Variants in BCAS3 observed in about 807,000 individuals in gnomAD.
The protein encoded by BCAS3 is BCAS4/BCAS3 fusion.
Under a neutral mutation model 116.1 loss-of-function variants are expected in BCAS3, and 53 were observed. That is an observed-to-expected ratio of 0.46 (90% CI 0.37 to 0.57). The LOEUF (loss-of-function observed/expected upper bound fraction) is 0.57. BCAS3 is among the 20% of genes least tolerant of loss of function. The pLI, the probability that BCAS3 is intolerant of heterozygous loss-of-function variation, is 0.00. For synonymous variants in BCAS3, 391 were observed against 408.2 expected (o/e 0.96, Z 0.51); for missense variants, 917 against 1,165.4 (o/e 0.79, Z 3.10).
At chr17:60,809,718 A>G (rs1451043042) in intron 7 of BCAS3, among the ~76,000 whole-genome samples, 8 of 152,240 alleles carry the variant, frequency 5.3e-5, no homozygotes, top group Non-Finnish European at 1.2e-4. Flanking sequence ...CTGAGGCTTC[A>G]TGCATATGCA....
chr17:61,304,839 C>T (rs540607359), intron 22 of BCAS3, among the ~76,000 whole-genome samples: 3 of 152,128 alleles, frequency 2.0e-5, no homozygotes, highest in Non-Finnish European at 4.4e-5. Context: ...TTGCAACCTC[C>T]ACCTCCCAGG....
chr17:61,135,798 T>G (rs1228773796), intron 22 of BCAS3: 1 of 152,270 alleles, frequency 6.6e-6, no homozygotes, highest in Non-Finnish European at 1.5e-5. Context: ...GTATTATCTA[T>G]GGCTGCTCTC....
intron 6 of BCAS3, among the ~76,000 whole-genome samples, chr17:60,800,573 G>A (rs149393512): frequency 6.6e-6 from 1 of 152,136 alleles, no homozygotes; most frequent in South Asian, 2.1e-4. Context: ...GTCTTTGATA[G>A]AGCAAAATTT....
At position 61,309,743 on chromosome 17, in the gene BCAS3, AAGT is replaced by A. The variant is rs1326453540; in HGVS notation, c.2426-58580_2426-58578del. Among the ~76,000 whole-genome samples, 1 of 152,124 alleles carries A rather than the reference AAGT, an allele frequency of 6.6e-6. No individual in the cohort carries two copies. The highest frequency in any genetic ancestry group is 2.4e-5 in the African/African-American group (1 of 41,426). The stretch of plus-strand genomic sequence containing the variant: ...GGATTGCGGAACAGCTGCTGTGGAA[AAGT>A]AGTGGCCTGTTTATGGGTTGAGGAG... On this transcript the variant is annotated intron_variant, in intron 22 of 23. Transcript: ENST00000407086. This position sits in a 1 kb window ranked among gnomAD's most constrained non-coding sequence, Gnocchi z 4.6.
intron 7 of BCAS3, among the ~76,000 whole-genome samples, chr17:60,812,479 A>G (rs2048925030): frequency 6.6e-6 from 1 of 152,176 alleles, no homozygotes; most frequent in South Asian, 2.1e-4. Flanking sequence ...TTGGAAAATT[A>G]AGGTGGTCCT....
At position 61,161,744 on chromosome 17, in the gene BCAS3, A is replaced by G. The variant is rs937148695; in HGVS notation, c.2425+77180A>G. ...CTCAGCACACATACCAGCCCCCGCAATTCCAGTTTCATGGTGCCTGAGTTG... is the reference window on the plus strand; with the variant it reads ...CTCAGCACACATACCAGCCCCCGCAGTTCCAGTTTCATGGTGCCTGAGTTG... On this transcript the variant is annotated intron_variant, in intron 22 of 23. Coordinates refer to ENST00000407086, the MANE Select transcript of BCAS3 (RefSeq NM_017679.5). The surrounding 1 kb of genome is among the most constrained non-coding windows in gnomAD (Gnocchi z 4.8). 1.3e-5 allele frequency among the ~76,000 whole-genome samples: 2 copies of G among 152,088 alleles called. No individual in the cohort carries two copies. Among genetic ancestry groups the G allele is most frequent in the Non-Finnish European group, 2.9e-5 (2 of 68,010 alleles).
At chr17:60,984,655 T>C (rs1025842837) in intron 14 of BCAS3, among the ~76,000 whole-genome samples, 1 of 152,112 alleles carries the variant, frequency 6.6e-6, no homozygotes, top group East Asian at 1.9e-4. Flanking sequence ...CTTTTAATTA[T>C]TTAAAAAAAT....
At chr17:61,045,856 T>TAA (rs1568210275) in intron 19 of BCAS3, among the ~76,000 whole-genome samples, 3 of 1,034 alleles carry the variant, frequency 2.9e-3, no homozygotes, top group African/African-American at 3.8e-3. Context: ...TCTCTATATA[T>TAA]ATATATATAA....
At chr17:60,954,942 C>T (rs1227370737) in intron 14 of BCAS3, among the ~76,000 whole-genome samples, 2 of 152,026 alleles carry the variant, frequency 1.3e-5, no homozygotes, top group African/African-American at 4.8e-5. Flanking sequence ...TTCATTCATG[C>T]AATATTCATG....
chr17:60,896,807 ATTTAT>A lies in BCAS3; in HGVS notation c.739-5805_739-5801del, dbSNP rs142054631. Among the ~76,000 whole-genome samples the A allele has an allele frequency of 4.3e-4, 65 of 152,030 alleles. No individual in the cohort carries two copies. The East Asian group carries it at 0.012, about 28-fold the overall frequency. On this transcript the variant is annotated intron_variant, in intron 10 of 23. Transcript: ENST00000407086. ...TTATTCTGTCTCTTTTAAGTGGATTATTTATTTTATTTACATTCAAAGTCATTATT... is the reference window on the plus strand; with the variant it reads ...TTATTCTGTCTCTTTTAAGTGGATTATTTATTTACATTCAAAGTCATTATT...
chr17:61,137,947 G>A (rs1416248263), intron 22 of BCAS3, among the ~76,000 whole-genome samples: 3 of 152,080 alleles, frequency 2.0e-5, no homozygotes, highest in African/African-American at 7.2e-5. Context: ...GATATGGTAG[G>A]ACATGCACAA....
rs931426699 is a variant in BCAS3, at chr17:61,256,593, C to T, written c.2426-111734C>T. Among the ~76,000 whole-genome samples the T allele has an allele frequency of 1.7e-4, 26 of 152,162 alleles. 1 individual carries two copies. The highest frequency in any genetic ancestry group is 7.9e-4 in the Admixed American group (12 of 15,284). On this transcript the variant is annotated intron_variant, in intron 22 of 23. Coordinates refer to ENST00000407086, the MANE Select transcript of BCAS3 (RefSeq NM_017679.5). The surrounding 1 kb of genome is among the most constrained non-coding windows in gnomAD (Gnocchi z 5.6). The stretch of plus-strand genomic sequence containing the variant: ...TGCTGGGATTACAGGCGTGAGCCAC[C>T]GCGCCTGGCCGTTTGGTTTTGTTTA...
chr17:60,679,739 C>T (rs2032699255), intron 2 of BCAS3, among the ~76,000 whole-genome samples, 199 bp downstream of exon 2: 1 of 152,140 alleles, frequency 6.6e-6, no homozygotes, highest in Non-Finnish European at 1.5e-5. Context: ...TTACAGAGTA[C>T]GTGAAGAGCA....
At chr17:61,044,776 CTTT>C (rs869234681) in intron 19 of BCAS3, among the ~76,000 whole-genome samples, 4 of 141,672 alleles carry the variant, frequency 2.8e-5, no homozygotes, top group Non-Finnish European at 3.1e-5. Flanking sequence ...TGCTAAAGTC[CTTT>C]TTTTTTTTTT....
intron 10 of BCAS3, among the ~76,000 whole-genome samples, chr17:60,900,347 G>A (rs2057803690): frequency 6.6e-6 from 1 of 152,074 alleles, no homozygotes; most frequent in African/African-American, 2.4e-5. Context: ...TTCAGGGCCT[G>A]GGAGGGTAGA....
At position 60,747,256 on chromosome 17, in the gene BCAS3, G is replaced by A. The variant is rs34431714; in HGVS notation, c.380G>A (p.Arg127Lys). The change falls in exon 6 of 24, where the codon AGA becomes AAA. Residue 127 changes from arginine to lysine, a missense_variant. By Grantham distance (26) the Arg-to-Lys change is conservative. Coordinates refer to ENST00000407086, the MANE Select transcript of BCAS3 (RefSeq NM_017679.5). ...SVRHGPIRAA[R>K]ILPAPQFGAQ... ...CGACATGGCCCAATTCGAGCGGCTAGAATCTTGCCTGCTCCACAGTTTGGT... is the reference window on the plus strand; with the variant it reads ...CGACATGGCCCAATTCGAGCGGCTAAAATCTTGCCTGCTCCACAGTTTGGT... The A allele has an allele frequency of 0.022, 35,193 of 1,612,808 alleles. 482 individuals carry two copies. The highest frequency in any genetic ancestry group is 0.024 in the Non-Finnish European group (28,441 of 1,178,916).
Position 61,237,330 on chromosome 17 carries a change from A to G in BCAS3, c.2426-130997A>G, listed in dbSNP as rs562206462. On this transcript the variant is annotated intron_variant, in intron 22 of 23. Coordinates refer to ENST00000407086, the MANE Select transcript of BCAS3 (RefSeq NM_017679.5). Reference sequence around the variant, plus strand: ...AATGCCCCAATCAGTGCTCTGTAAAATGCACCAATCAGGATCCTAAAAGTA... The same window carrying G: ...AATGCCCCAATCAGTGCTCTGTAAAGTGCACCAATCAGGATCCTAAAAGTA... Among the ~76,000 whole-genome samples, 7 of 152,358 alleles carry G rather than the reference A, an allele frequency of 4.6e-5. No individual in the cohort carries two copies. The East Asian group carries it at 1.2e-3, about 25-fold the overall frequency.
intron 15 of BCAS3, among the ~76,000 whole-genome samples, chr17:60,999,838 T>G (rs534472744): frequency 6.6e-6 from 1 of 152,162 alleles, no homozygotes; most frequent in Non-Finnish European, 1.5e-5. Flanking sequence ...TCAGCAGTGT[T>G]TTGTAGTTGT....
chr17:60,990,037 C>T lies in BCAS3; in HGVS notation c.1288C>T (p.His430Tyr). 6.2e-7 allele frequency: 1 copy of T among 1,614,156 alleles called. No individual in the cohort carries two copies. The highest frequency in any genetic ancestry group is 8.5e-7 in the Non-Finnish European group (1 of 1,180,026). Residue 430 changes from histidine to tyrosine, a missense_variant, in exon 15 of 24, where the codon CAC becomes TAC. His to Tyr is a moderately conservative substitution (Grantham distance 83). Transcript: ENST00000407086. The surrounding 1 kb of genome is among the most constrained non-coding windows in gnomAD (Gnocchi z 5.1). ...GGTCAGTACTCTCCGGGGTACTTCC[C>T]ACGTTTTCCCCATCAACCCTTATGG... ...VVVSTLRGTS[H>Y]VFPINPYGGQ...
Sources: gnomAD v4.1 joint callset for allele counts (sites outside exome capture counted in the v4.1 genomes callset) on GRCh38, gnomAD v4.1.1 for gene constraint, Gnocchi (gnomAD v3.1) non-coding constraint, MANE v1.5 for transcripts, NCBI Gene and HGNC (gene_info 2026-07-23, HGNC 2026-07-21) for gene names.